CNTN6: variants seen among roughly 807,000 people sequenced by gnomAD.
CNTN6 encodes the protein contactin 6.
A neutral mutation model predicts 122.8 loss-of-function variants in CNTN6; 137 were observed. That is an observed-to-expected ratio of 1.12 (90% CI 0.97 to 1.29). The LOEUF is 1.29. Ranked by LOEUF, CNTN6 falls within the 50% of genes most tolerant of loss-of-function variation. CNTN6 has a pLI of 0.00. For missense variants in CNTN6, 1,634 were observed against 1,223.4 expected (o/e 1.34, Z -5.01); for synonymous variants, 570 against 426.0 (o/e 1.34, Z -4.16).
intron 7 of CNTN6, among the ~76,000 whole-genome samples, chr3:1,306,480 A>C (rs1698375181): frequency 6.6e-6 from 1 of 152,206 alleles, no homozygotes; most frequent in Non-Finnish European, 1.5e-5. Context: ...TCAACCTAGC[A>C]ATAAATAATT....
intron 1 of CNTN6, among the ~76,000 whole-genome samples, chr3:1,121,974 C>A (rs1408146337): frequency 2.6e-5 from 4 of 151,920 alleles, no homozygotes; most frequent in African/African-American, 9.7e-5. Context: ...CCAGCTATTT[C>A]ACTTTGGGCA....
intron 2 of CNTN6, among the ~76,000 whole-genome samples, chr3:1,178,644 G>A (rs934514584): frequency 2.0e-5 from 3 of 152,144 alleles, no homozygotes; most frequent in African/African-American, 7.2e-5. Flanking sequence ...ACTTTTTGCT[G>A]AAGCTCGACA....
intron 1 of CNTN6, among the ~76,000 whole-genome samples, chr3:1,133,269 TAAAC>T (rs1366730120): frequency 1.3e-5 from 2 of 152,144 alleles, no homozygotes; most frequent in Non-Finnish European, 2.9e-5. Flanking sequence ...TGGACCAACA[TAAAC>T]AAAGATAAGA....
chr3:1,297,408 C>T (rs910474347), intron 6 of CNTN6, among the ~76,000 whole-genome samples: 2 of 152,052 alleles, frequency 1.3e-5, no homozygotes, highest in African/African-American at 4.8e-5. Context: ...CACATATCCC[C>T]AATTCCTTGG....
intron 4 of CNTN6, among the ~76,000 whole-genome samples, chr3:1,231,388 C>T (rs1218633405): frequency 2.0e-5 from 3 of 152,172 alleles, no homozygotes; most frequent in African/African-American, 7.2e-5. Context: ...AATGAATGGC[C>T]TTATGAACAA....
chr3:1,331,810 T>G (rs769946728), intron 11 of CNTN6, among the ~76,000 whole-genome samples: 1 of 151,476 alleles, frequency 6.6e-6, no homozygotes, highest in Non-Finnish European at 1.5e-5. Context: ...GGAGGAGAAT[T>G]TGAGTAAAGC....
intron 2 of CNTN6, among the ~76,000 whole-genome samples, chr3:1,180,438 G>C (rs2093532693): frequency 6.6e-6 from 1 of 152,110 alleles, no homozygotes; most frequent in Non-Finnish European, 1.5e-5. Flanking sequence ...CAAAATAGAT[G>C]AATCAATTTT....
chr3:1,198,034 G>C (rs2093803845), intron 2 of CNTN6, among the ~76,000 whole-genome samples: 1 of 152,194 alleles, frequency 6.6e-6, no homozygotes, highest in Admixed American at 6.5e-5. Context: ...TGGACTTTGT[G>C]AGATGTGTCT....
intron 9 of CNTN6, 32 bp from the exon 10 acceptor site, chr3:1,327,425 C>T (rs771696390): frequency 1.9e-6 from 3 of 1,599,116 alleles, no homozygotes; most frequent in Non-Finnish European, 1.7e-6. Context: ...TATTAACGTA[C>T]AAGCATCTTT....
chr3:1,243,589 C>T (rs370462421), intron 4 of CNTN6, among the ~76,000 whole-genome samples: 20 of 150,664 alleles, frequency 1.3e-4, no homozygotes, highest in Non-Finnish European at 2.2e-4. Context: ...TGCTGCCGAG[C>T]GAGCCATGAA....
intron 8 of CNTN6, among the ~76,000 whole-genome samples, chr3:1,323,946 G>T (rs969612501): frequency 7.2e-6 from 1 of 139,730 alleles, no homozygotes; most frequent in Non-Finnish European, 1.5e-5. Context: ...AGATATATCT[G>T]AAACCTTTGT....
chr3:1,164,543 C>G (rs1325816337), intron 2 of CNTN6, among the ~76,000 whole-genome samples: 1 of 152,150 alleles, frequency 6.6e-6, no homozygotes, highest in Non-Finnish European at 1.5e-5. Flanking sequence ...GAATGATATC[C>G]AAATCACTAT....
intron 2 of CNTN6, among the ~76,000 whole-genome samples, chr3:1,164,701 C>G (rs531984376): frequency 1.3e-5 from 2 of 152,298 alleles, no homozygotes; most frequent in East Asian, 3.9e-4. Context: ...TATTTTTTGT[C>G]TCTTCCTCTG....
At chr3:1,287,999 T>C (rs561101738) in intron 5 of CNTN6, among the ~76,000 whole-genome samples, 1 of 152,332 alleles carries the variant, frequency 6.6e-6, no homozygotes, top group Non-Finnish European at 1.5e-5. Flanking sequence ...CTTTACAGTG[T>C]TGGCTCGGTC....
At chr3:1,127,204 C>T (rs539866286) in intron 1 of CNTN6, among the ~76,000 whole-genome samples, 10 of 151,760 alleles carry the variant, frequency 6.6e-5, no homozygotes, top group South Asian at 6.2e-4. Context: ...AATAGGGTTG[C>T]TTCAAAGACA....
intron 2 of CNTN6, among the ~76,000 whole-genome samples, chr3:1,219,944 G>A (rs1403766055): frequency 2.0e-5 from 3 of 148,912 alleles, no homozygotes; most frequent in Non-Finnish European, 4.4e-5. Context: ...TGAGGCTGCA[G>A]TGAGCTGTGA....
At chr3:1,307,136 G>A (rs1163877472) in intron 7 of CNTN6, among the ~76,000 whole-genome samples, 1 of 152,156 alleles carries the variant, frequency 6.6e-6, no homozygotes, top group East Asian at 1.9e-4. Flanking sequence ...TAAGATTGAT[G>A]TAACAATGTG....
chr3:1,343,104 T>C (rs1379376113), intron 11 of CNTN6, among the ~76,000 whole-genome samples: 2 of 152,142 alleles, frequency 1.3e-5, no homozygotes, highest in Non-Finnish European at 2.9e-5. Context: ...AAATAGTAAA[T>C]ATGTTTTCTC....
chr3:1,266,728 C>G (rs957173269), intron 4 of CNTN6, among the ~76,000 whole-genome samples: 2 of 152,142 alleles, frequency 1.3e-5, no homozygotes, highest in African/African-American at 4.8e-5. Context: ...GGGCCTCACT[C>G]CATTGAAATC....
Sources: gnomAD v4.1 joint callset for allele counts (sites outside exome capture counted in the v4.1 genomes callset) on GRCh38, gnomAD v4.1.1 for gene constraint, MANE v1.5 for transcripts, NCBI Gene and HGNC (gene_info 2026-07-23, HGNC 2026-07-21) for gene names.